Variants in EZH1 observed in about 807,000 individuals in gnomAD.
EZH1 encodes histone-lysine N-methyltransferase EZH1.
Under a neutral mutation model 100.5 loss-of-function variants are expected in EZH1, and 33 were observed. The ratio of observed to expected loss-of-function variants is 0.33; its 90% CI spans 0.25 to 0.44. The LOEUF (loss-of-function observed/expected upper bound fraction) is 0.44, where lower values mean the gene tolerates loss of function less well. EZH1 is among the 20% of genes least tolerant of loss of function. The pLI is 1.00. For missense variants in EZH1, 475 were observed against 928.4 expected, an observed-to-expected ratio of 0.51 and a Z score of 6.35; for synonymous variants, 272 against 313.8, an observed-to-expected ratio of 0.87 and a Z score of 1.41.
chr17:42,717,635 T>C (rs2053631176), intron 10 of EZH1, among the ~76,000 whole-genome samples: 1 of 152,180 alleles, frequency 6.6e-6, no homozygotes, highest in Non-Finnish European at 1.5e-5. Flanking sequence ...TATGCATTTA[T>C]AACAAGATAG....
chr17:42,713,419 AG>A (rs1463553274), intron 10 of EZH1, 30 bp from the exon 11 acceptor site: 15 of 1,572,420 alleles, frequency 9.5e-6, no homozygotes, highest in Middle Eastern at 3.6e-4. Flanking sequence ...GACAGGAAAT[AG>A]GAACAGGCCC....
At chr17:42,705,822 A>T (rs528684251) in intron 16 of EZH1, 185 bp downstream of exon 16, 1 of 605,396 alleles carries the variant, frequency 1.7e-6, no homozygotes, top group East Asian at 3.5e-5. Context: ...CTGGCCAGGA[A>T]CCATTTTTCT....
chr17:42,719,288 T>C (rs1157254159), intron 7 of EZH1, 81 bp from the exon 8 acceptor site: 50 of 1,114,814 alleles, frequency 4.5e-5, no homozygotes, highest in Non-Finnish European at 5.5e-5. Context: ...TTTCCTTTTG[T>C]CATAGCATTT....
rs1364200557 is a variant in EZH1, at chr17:42,702,133, A to G, written c.*399T>C. On this transcript the variant is annotated 3_prime_UTR_variant, in exon 21 of 21. Coordinates refer to ENST00000428826, the MANE Select transcript of EZH1 (RefSeq NM_001991.5). ...CACAGAGGTTTGCCTGCATCCCAAT[A>G]ACATAAGGACTCTTGATGTGGAAAG... The G allele has an allele frequency of 5.9e-6, 1 of 169,952 alleles. No individual in the cohort carries two copies. The highest frequency in any genetic ancestry group is 1.3e-5 in the Non-Finnish European group (1 of 79,040). 10.5% of individuals were successfully genotyped at this position (169,952 alleles called of 1,614,324 possible).
intron 4 of EZH1, among the ~76,000 whole-genome samples, chr17:42,726,027 C>G (rs537236385): frequency 2.0e-5 from 3 of 151,458 alleles, no homozygotes; most frequent in Admixed American, 2.0e-4. Context: ...TATAGGTGCA[C>G]GCCACCACGC....
At chr17:42,709,161 A>C in intron 13 of EZH1, 2 of 557,174 alleles carry the variant, frequency 3.6e-6, no homozygotes. Flanking sequence ...ATAAAAGAAC[A>C]CAACACAGAA....
chr17:42,720,322 G>C lies in EZH1; in HGVS notation c.615C>G (p.Ser205Arg). The C allele has an allele frequency of 6.2e-7, 1 of 1,613,576 alleles. No individual in the cohort carries two copies. Among genetic ancestry groups the C allele is most frequent in the Non-Finnish European group, 8.5e-7 (1 of 1,179,752 alleles). The part of the protein sequence containing the change: ...NDTSDGKQDD[S>R]KEDLPVTRKR... ...TTCTTGTTACTGGCAGATCTTCTTTGCTGTCATCCTGCTTTCCATCTGAGG... is the reference window on the plus strand; with the variant it reads ...TTCTTGTTACTGGCAGATCTTCTTTCCTGTCATCCTGCTTTCCATCTGAGG... The change falls in exon 7 of 21, where the codon AGC becomes AGG. Residue 205 changes from serine to arginine, a missense_variant. Transcript: ENST00000428826.
In EZH1 at chr17:42,701,797, A is replaced by G. The variant is rs1254044647; in HGVS notation, c.*735T>C. On this transcript the variant is annotated 3_prime_UTR_variant, in exon 21 of 21. Transcript: ENST00000428826. The stretch of plus-strand genomic sequence containing the variant: ...TGAAAACACTTCTCCATCTATCTCC[A>G]GAGTACACAGAGAAGGCTTTCTCAA... 1 of 152,366 alleles carries G rather than the reference A, an allele frequency of 6.6e-6. No individual in the cohort carries two copies. Among genetic ancestry groups the G allele is most frequent in the Non-Finnish European group, 1.5e-5 (1 of 68,040 alleles). 9.4% of individuals were successfully genotyped at this position (152,366 alleles called of 1,614,324 possible). A position where few individuals can be genotyped will look rare whatever the true frequency, so the allele number is the denominator to read the frequency against.
intron 1 of EZH1, among the ~76,000 whole-genome samples, chr17:42,742,871 C>CTT (rs200989200): frequency 6.7e-6 from 1 of 149,440 alleles, no homozygotes; most frequent in African/African-American, 2.5e-5. Flanking sequence ...TTCTCTCTCC[C>CTT]TTTTTTTTTT....
At chr17:42,742,933 C>T (rs1199146501) in intron 1 of EZH1, among the ~76,000 whole-genome samples, 1 of 151,760 alleles carries the variant, frequency 6.6e-6, no homozygotes, top group African/African-American at 2.4e-5. Context: ...TGCAGTGGTG[C>T]ATGTCGGCTC....
chr17:42,723,413 TA>T (rs545192575), intron 5 of EZH1, among the ~76,000 whole-genome samples: 33 of 151,088 alleles, frequency 2.2e-4, no homozygotes, highest in Admixed American at 7.3e-4. Flanking sequence ...GACAGATGGA[TA>T]AATAAAAATG....
rs948510788 is a variant in EZH1 at position 42,730,787 on chromosome 17, C to T, written c.-12+41G>A. On this transcript the variant is annotated intron_variant, in intron 2 of 20. Coordinates refer to ENST00000428826, the MANE Select transcript of EZH1 (RefSeq NM_001991.5). The stretch of plus-strand genomic sequence containing the variant: ...CTGGGATTACAGGCGTGAGCCACCG[C>T]GCCCGGCCAAGAAGTATGTATTCTA... 5.5e-5 allele frequency: 52 copies of T among 941,962 alleles called. No homozygotes were observed. In the African/African-American group the frequency reaches 8.0e-4, roughly 14 times the overall value. 58.4% of individuals were successfully genotyped at this position (941,962 alleles called of 1,614,324 possible).
chr17:42,711,244 C>T (rs1567987698), intron 12 of EZH1, among the ~76,000 whole-genome samples: 1 of 151,478 alleles, frequency 6.6e-6, no homozygotes, highest in East Asian at 1.9e-4. Context: ...GAGGCCGAGG[C>T]GGGTGGATCA....
intron 2 of EZH1, among the ~76,000 whole-genome samples, chr17:42,730,483 T>C (rs904433918): frequency 1.4e-5 from 2 of 143,182 alleles, no homozygotes; most frequent in East Asian, 2.0e-4. Flanking sequence ...AAGAAGTATG[T>C]ATTCTTTTTT....
chr17:42,743,680 G>C (rs1213747145), intron 1 of EZH1, among the ~76,000 whole-genome samples: 1 of 151,428 alleles, frequency 6.6e-6, no homozygotes, highest in Non-Finnish European at 1.5e-5. Context: ...TGCCTGAGCT[G>C]GTCCCAAACT....
intron 14 of EZH1, 45 bp from the exon 15 acceptor site, chr17:42,708,128 C>T (rs756034187): frequency 1.1e-4 from 172 of 1,540,638 alleles, no homozygotes; most frequent in Non-Finnish European, 1.5e-4. Context: ...CCATACTCTC[C>T]AGCTGTCTTC....
intron 1 of EZH1, among the ~76,000 whole-genome samples, chr17:42,738,175 CAAA>C (rs1175336340): frequency 8.7e-5 from 5 of 57,192 alleles, no homozygotes; most frequent in Admixed American, 5.9e-4. Context: ...GACTCTGTCT[CAAA>C]AAAAAAAAAA....
chr17:42,741,982 T>C (rs970057614), intron 1 of EZH1, among the ~76,000 whole-genome samples: 1 of 152,092 alleles, frequency 6.6e-6, no homozygotes, highest in Non-Finnish European at 1.5e-5. Flanking sequence ...TGAGCCACAG[T>C]GTCCAGACTT....
At chr17:42,730,487 CTTTTTT>C (rs1156867481) in intron 2 of EZH1, among the ~76,000 whole-genome samples, 41 of 66,656 alleles carry the variant, frequency 6.2e-4, no homozygotes, top group African/African-American at 1.9e-3. Flanking sequence ...AGTATGTATT[CTTTTTT>C]TTTTTTTTTT....
Sources: allele counts gnomAD v4.1 joint callset (sites outside exome capture counted in the v4.1 genomes callset), GRCh38; gene constraint gnomAD v4.1.1; transcripts MANE v1.5; gene names NCBI Gene and HGNC (gene_info 2026-07-23, HGNC 2026-07-21).